GLI3: variants seen among roughly 807,000 people sequenced by gnomAD.
GLI3 encodes the protein GLI family zinc finger 3.
A neutral mutation model predicts 100.8 loss-of-function variants in GLI3; 20 were observed. The ratio of observed to expected loss-of-function variants is 0.20; its 90% CI spans 0.14 to 0.29. The LOEUF (loss-of-function observed/expected upper bound fraction) is 0.29. Ranked by LOEUF, GLI3 falls within the 10% of genes least tolerant of loss-of-function variation. GLI3 has a pLI of 1.00. For synonymous variants in GLI3, 938 were observed against 860.5 expected, an observed-to-expected ratio of 1.09 and a Z score of -1.58; for missense variants, 2,040 against 2,128.5, an observed-to-expected ratio of 0.96 and a Z score of 0.82.
chr7:42,002,068 A>ACACACACG (rs1562679192), intron 10 of GLI3, among the ~76,000 whole-genome samples: 1 of 38,246 alleles, frequency 2.6e-5, no homozygotes, highest in African/African-American at 4.2e-4. Flanking sequence ...ACACACACAC[A>ACACACACG]CACACACACG....
chr7:42,206,826 A>G (rs1788165471), intron 2 of GLI3, among the ~76,000 whole-genome samples: 1 of 152,230 alleles, frequency 6.6e-6, no homozygotes, highest in South Asian at 2.1e-4. Context: ...TATCACTTCA[A>G]ATCAGTGATA....
chr7:42,113,272 A>G (rs1785760739), intron 3 of GLI3: 38 of 540,338 alleles, frequency 7.0e-5, no homozygotes, highest in South Asian at 5.6e-4. Context: ...AGTGTGAAGA[A>G]GAAGAGGCGA....
chr7:42,212,432 A>T (rs762001607), intron 2 of GLI3, among the ~76,000 whole-genome samples: 3 of 152,202 alleles, frequency 2.0e-5, no homozygotes, highest in Non-Finnish European at 4.4e-5. Context: ...TTCCCAATTT[A>T]TATGTCAAAT....
At chr7:42,038,095 C>A (rs1426259407) in intron 7 of GLI3, among the ~76,000 whole-genome samples, 2 of 152,204 alleles carry the variant, frequency 1.3e-5, no homozygotes, top group South Asian at 4.1e-4. Context: ...CACATTTCTG[C>A]TACTTGGATG....
intron 3 of GLI3, among the ~76,000 whole-genome samples, chr7:42,084,440 A>G (rs1785060204): frequency 2.0e-5 from 3 of 152,320 alleles, no homozygotes; most frequent in Admixed American, 2.0e-4. Context: ...CTTCAAGATC[A>G]CATCCAGTGG....
intron 3 of GLI3, among the ~76,000 whole-genome samples, chr7:42,113,078 G>C (rs1415081764): frequency 6.6e-6 from 1 of 152,118 alleles, no homozygotes; most frequent in Middle Eastern, 3.2e-3. Context: ...TCGGGAGGCT[G>C]AGGCAGGAGA....
intron 1 of GLI3, among the ~76,000 whole-genome samples, chr7:42,247,028 TG>T (rs1788983792): frequency 6.6e-6 from 1 of 152,044 alleles, no homozygotes; most frequent in Non-Finnish European, 1.5e-5. Context: ...GCCTAATGTC[TG>T]GCTTTTCAAA....
intron 3 of GLI3, among the ~76,000 whole-genome samples, chr7:42,129,853 C>A (rs1285121447): frequency 6.6e-6 from 1 of 152,054 alleles, no homozygotes; most frequent in African/African-American, 2.4e-5. Flanking sequence ...AGATCTTTTA[C>A]CGGACACACC....
chr7:42,205,854 T>G (rs1020733506), intron 2 of GLI3, among the ~76,000 whole-genome samples: 16 of 152,216 alleles, frequency 1.1e-4, no homozygotes, highest in African/African-American at 3.6e-4. Context: ...GTGGCTTTGA[T>G]ATACGCCTGG....
chr7:42,050,244 A>G (rs770198108), intron 4 of GLI3, among the ~76,000 whole-genome samples: 1 of 152,366 alleles, frequency 6.6e-6, no homozygotes, highest in Non-Finnish European at 1.5e-5. Flanking sequence ...ATAAAAATCC[A>G]AAGTTTTCTA....
At chr7:42,188,002 C>CAAAAAAAAAAAAAAAAA (rs56140906) in intron 2 of GLI3, among the ~76,000 whole-genome samples, 5 of 85,290 alleles carry the variant, frequency 5.9e-5, no homozygotes, top group Non-Finnish European at 8.7e-5. Flanking sequence ...GACTCCATCT[C>CAAAAAAAAAAAAAAAAA]AAAAAAAAAA....
chr7:42,263,879 A>G (rs1789172595), intron 1 of GLI3, among the ~76,000 whole-genome samples: 1 of 152,230 alleles, frequency 6.6e-6, no homozygotes, highest in African/African-American at 2.4e-5. Flanking sequence ...AACAACAACA[A>G]CAAAAACAGC....
chr7:41,968,725 A>AAAG lies in GLI3; in HGVS notation c.2104-805_2104-803dup, dbSNP rs1554305440. Among the ~76,000 whole-genome samples, 178 of 103,092 alleles carry AAAG rather than the reference A, an allele frequency of 1.7e-3. 5 individuals are homozygous for AAAG. Among genetic ancestry groups the AAAG allele is most frequent in the African/African-American group, 8.0e-3 (159 of 19,836 alleles). The allele number at this position is 103,092 out of a possible 152,430, so 67.6% of individuals were successfully genotyped here. On this transcript the variant is annotated intron_variant, in intron 13 of 14. Coordinates refer to ENST00000395925, the MANE Select transcript of GLI3 (RefSeq NM_000168.6). ...AGAAAGAAAGAAAGAAGAAAGAAAG[A>AAAG]AAGAAAGAAAGAAAGAAAGAAAGAA...
At chr7:42,097,921 C>T (rs1178704817) in intron 3 of GLI3, among the ~76,000 whole-genome samples, 1 of 152,156 alleles carries the variant, frequency 6.6e-6, no homozygotes, top group Non-Finnish European at 1.5e-5. Context: ...GTGTGCCTAG[C>T]CCATTTCTGA....
chr7:42,243,603 T>TA (rs976912144), intron 1 of GLI3, among the ~76,000 whole-genome samples: 2 of 152,358 alleles, frequency 1.3e-5, no homozygotes, highest in Non-Finnish European at 2.9e-5. Flanking sequence ...CATTGTGATT[T>TA]AAAAAGAAAG....
chr7:42,053,121 G>A lies in GLI3; in HGVS notation c.474-4425C>T, dbSNP rs186497458. 7.0e-4 allele frequency among the ~76,000 whole-genome samples: 106 copies of A among 152,242 alleles called. No individual in the cohort carries two copies. In the East Asian group the frequency reaches 0.017, roughly 25 times the overall value. Reference sequence around the variant, plus strand: ...AGCGATTCTCCTGTCTCAGCCTCCCGAGTAGCTGGGATTACAGGCATGTGC... The same window carrying A: ...AGCGATTCTCCTGTCTCAGCCTCCCAAGTAGCTGGGATTACAGGCATGTGC... On this transcript the variant is annotated intron_variant, in intron 4 of 14. Coordinates refer to ENST00000395925, the MANE Select transcript of GLI3 (RefSeq NM_000168.6).
intron 2 of GLI3, among the ~76,000 whole-genome samples, chr7:42,156,276 C>T (rs887190467): frequency 1.3e-5 from 2 of 152,192 alleles, no homozygotes; most frequent in Non-Finnish European, 2.9e-5. Context: ...TCTAAAACAA[C>T]GTCATGGAGC....
At chr7:42,131,352 GA>G (rs1209809793) in intron 3 of GLI3, among the ~76,000 whole-genome samples, 1 of 151,754 alleles carries the variant, frequency 6.6e-6, no homozygotes. Context: ...AAATAATAGG[GA>G]AAAAACTAAA....
intron 9 of GLI3, among the ~76,000 whole-genome samples, chr7:42,025,037 G>A (rs1454225604): frequency 1.3e-5 from 2 of 152,194 alleles, no homozygotes; most frequent in Non-Finnish European, 1.5e-5. Flanking sequence ...GGTATGTCCC[G>A]CATGGCTTCC....
Sources: gnomAD v4.1 joint callset for allele counts (sites outside exome capture counted in the v4.1 genomes callset) on GRCh38, gnomAD v4.1.1 for gene constraint, MANE v1.5 for transcripts, NCBI Gene and HGNC (gene_info 2026-07-23, HGNC 2026-07-21) for gene names.